TBCD: variants seen among roughly 807,000 people sequenced by gnomAD.
The protein encoded by TBCD is tubulin-specific chaperone D.
In TBCD, 105 loss-of-function variants were observed where a neutral mutation model predicts 169.3. That is an observed-to-expected ratio of 0.62 (90% CI 0.53 to 0.73). The LOEUF (loss-of-function observed/expected upper bound fraction) is 0.73. Among genes scored for constraint, TBCD ranks in the 30% least tolerant of loss-of-function variants. The probability of loss-of-function intolerance (pLI) is 0.00; values close to 1 mark genes in which losing one functional copy is unlikely to be tolerated. For synonymous variants in TBCD, 700 were observed against 643.9 expected (o/e 1.09, Z -1.32); for missense variants, 1,444 against 1,600.1 (o/e 0.90, Z 1.66).
chr17:82,778,928 T>C (rs1328615548), intron 6 of TBCD, among the ~76,000 whole-genome samples: 5 of 152,020 alleles, frequency 3.3e-5, no homozygotes, highest in African/African-American at 4.8e-5. Flanking sequence ...TCCCAAAGTG[T>C]TGGGATTACA....
chr17:82,858,620 C>T, intron 13 of TBCD: 2 of 985,404 alleles, frequency 2.0e-6, no homozygotes, highest in Non-Finnish European at 2.4e-6. Flanking sequence ...CTGGGTGTGC[C>T]TCACAGACAC....
chr17:82,879,100 TC>T (rs1191272448), intron 14 of TBCD, among the ~76,000 whole-genome samples: 57 of 151,442 alleles, frequency 3.8e-4, no homozygotes, highest in Middle Eastern at 6.8e-3. Context: ...GAGCCTTTTT[TC>T]TTTCCTTCTG....
At chr17:82,863,167 A>G (rs1020569185) in intron 13 of TBCD, among the ~76,000 whole-genome samples, 11 of 152,174 alleles carry the variant, frequency 7.2e-5, no homozygotes, top group African/African-American at 2.7e-4. Context: ...TGCTGGCCCC[A>G]CCGTCCTCGT....
chr17:82,860,960 G>A (rs571019733), intron 13 of TBCD, among the ~76,000 whole-genome samples: 5 of 152,320 alleles, frequency 3.3e-5, no homozygotes, highest in African/African-American at 1.2e-4. Context: ...GGACTTGGCG[G>A]GGGGAGCTCT....
At chr17:82,917,080 C>T (rs1775208671) in intron 23 of TBCD, among the ~76,000 whole-genome samples, 1 of 123,370 alleles carries the variant, frequency 8.1e-6, no homozygotes, top group Admixed American at 1.1e-4. Flanking sequence ...AGTGCGGTGG[C>T]ACAATCTCAG....
At position 82,916,107 on chromosome 17, in the gene TBCD, C is replaced by T. The variant is rs571106556; in HGVS notation, c.2038+4318C>T. Among the ~76,000 whole-genome samples the T allele has an allele frequency of 5.3e-5, 8 of 152,364 alleles. No homozygotes were observed. In the East Asian group the frequency reaches 1.5e-3, roughly 29 times the overall value. ...ACCCACACAGCCACCTGCTGCTTCTCCTTCTTGTTCTGTCCTGCATTTCTC... is the reference window on the plus strand; with the variant it reads ...ACCCACACAGCCACCTGCTGCTTCTTCTTCTTGTTCTGTCCTGCATTTCTC... On this transcript the variant is annotated intron_variant, in intron 23 of 38. Transcript: ENST00000355528.
intron 17 of TBCD, among the ~76,000 whole-genome samples, chr17:82,899,260 CGT>C (rs2059717285): frequency 6.9e-6 from 1 of 145,776 alleles, no homozygotes; most frequent in African/African-American, 2.7e-5. Flanking sequence ...GTGTCCTCAG[CGT>C]GCGTGTCCTC....
rs546632038 is a variant in TBCD, at chr17:82,859,388, G to A, written c.1319-10836G>A. 2.8e-3 allele frequency among the ~76,000 whole-genome samples: 392 copies of A among 141,080 alleles called. 1 individual carries two copies. Among genetic ancestry groups the A allele is most frequent in the Middle Eastern group, 0.013 (3 of 238 alleles). The allele number at this position is 141,080 out of a possible 152,430, so 92.6% of individuals were successfully genotyped here. A position where few individuals can be genotyped will look rare whatever the true frequency, so the allele number is the denominator to read the frequency against. The stretch of plus-strand genomic sequence containing the variant: ...TCAGGGAAAGGGAGTCTTGTGGGTC[G>A]TCTGGCCTGCCGGCTCTGTGTCCTC... On this transcript the variant is annotated intron_variant, in intron 13 of 38. Coordinates refer to ENST00000355528, the MANE Select transcript of TBCD (RefSeq NM_005993.5).
At position 82,915,854 on chromosome 17, in the gene TBCD, G is replaced by A. The variant is rs1341025768; in HGVS notation, c.2038+4065G>A. On this transcript the variant is annotated intron_variant, in intron 23 of 38. Transcript: ENST00000355528. The surrounding 1 kb of genome is among the most constrained non-coding windows in gnomAD (Gnocchi z 4.3). ...GTGGAGGATCGTGACTTAGCAAGCC[G>A]GGGACACGCTGTTAATGGACTTCCT... Among the ~76,000 whole-genome samples the A allele has an allele frequency of 6.6e-6, 1 of 152,138 alleles. No homozygotes were observed. The highest frequency in any genetic ancestry group is 1.5e-5 in the Non-Finnish European group (1 of 68,024).
chr17:82,833,454 A>G lies in TBCD; in HGVS notation c.1318+18520A>G, dbSNP rs551204632. 6.6e-6 allele frequency among the ~76,000 whole-genome samples: 1 copy of G among 152,350 alleles called. No homozygotes were observed. Among genetic ancestry groups the G allele is most frequent in the South Asian group, 2.1e-4 (1 of 4,830 alleles). On this transcript the variant is annotated intron_variant, in intron 13 of 38. Transcript: ENST00000355528. This position sits in a 1 kb window ranked among gnomAD's most constrained non-coding sequence, Gnocchi z 4.7. ...TACTGCTTCTAAAGTCAGCTTTATC[A>G]TTAAGTAGCATTTATGTTGTCTCAG... is the stretch of plus-strand genomic sequence containing the variant.
rs541943193 is a variant in TBCD, at chr17:82,832,237, G to A, written c.1318+17303G>A. The A allele has an allele frequency of 6.2e-7, 1 of 1,614,228 alleles. No homozygotes were observed. Among genetic ancestry groups the A allele is most frequent in the Non-Finnish European group, 8.5e-7 (1 of 1,180,046 alleles). On this transcript the variant is annotated intron_variant, in intron 13 of 38. Coordinates refer to ENST00000355528, the MANE Select transcript of TBCD (RefSeq NM_005993.5). The surrounding 1 kb of genome is among the most constrained non-coding windows in gnomAD (Gnocchi z 4.9). The stretch of plus-strand genomic sequence containing the variant: ...GGCATCGGGCTGGTTGGTTTGCTTG[G>A]GGTCTAGTGAGTTAGATTTAGGGCA...
chr17:82,888,439 T>C (rs957349280), intron 15 of TBCD, among the ~76,000 whole-genome samples: 5 of 152,256 alleles, frequency 3.3e-5, no homozygotes, highest in African/African-American at 9.6e-5. Flanking sequence ...TTCCTAATAG[T>C]GTATGTTAAA....
At chr17:82,871,671 C>T (rs1397749421) in intron 14 of TBCD, among the ~76,000 whole-genome samples, 2 of 152,222 alleles carry the variant, frequency 1.3e-5, no homozygotes, top group Non-Finnish European at 1.5e-5. Flanking sequence ...GGCGGGGCGC[C>T]GGTGGCAGAT....
chr17:82,898,358 C>T (rs2059636779), intron 17 of TBCD, among the ~76,000 whole-genome samples: 2 of 148,694 alleles, frequency 1.3e-5, no homozygotes, highest in Non-Finnish European at 3.0e-5. Context: ...TTGGTGGGAG[C>T]ACACGGCACG....
chr17:82,841,650 T>A (rs1463319802), intron 13 of TBCD, among the ~76,000 whole-genome samples: 1 of 152,226 alleles, frequency 6.6e-6, no homozygotes, highest in Non-Finnish European at 1.5e-5. Context: ...TCTTACCTAT[T>A]CCTGGATAGC....
chr17:82,790,969 C>T (rs1004381732), intron 7 of TBCD, among the ~76,000 whole-genome samples: 5 of 152,202 alleles, frequency 3.3e-5, no homozygotes, highest in South Asian at 2.1e-4. Context: ...GTCTCCCTGC[C>T]GCCGTTGCCC....
At chr17:82,927,877 G>T (rs759764959) in intron 29 of TBCD, 28 bp from the exon 30 acceptor site, 1 of 1,606,142 alleles carries the variant, frequency 6.2e-7, no homozygotes, top group Non-Finnish European at 8.5e-7. Flanking sequence ...CTCAAGCTGG[G>T]TGTCTCTGCC....
At position 82,939,357 on chromosome 17, in the gene TBCD, C is replaced by T. The variant is rs771988472; in HGVS notation, c.3370-10C>T. On this transcript the variant is annotated splice_polypyrimidine_tract_variant and intron_variant, in intron 36 of 38. Transcript: ENST00000355528. ...TTCCCTCCGGCAAATGCACTGCATC[C>T]CTGTCCCAGATCCGGAAGACCACGG... The T allele has an allele frequency of 1.1e-5, 17 of 1,606,546 alleles. No homozygotes were observed. Among genetic ancestry groups the T allele is most frequent in the Non-Finnish European group, 1.3e-5 (15 of 1,177,012 alleles).
chr17:82,844,370 C>T (rs1319281291), intron 13 of TBCD, among the ~76,000 whole-genome samples: 7 of 152,092 alleles, frequency 4.6e-5, no homozygotes, highest in Non-Finnish European at 8.8e-5. Flanking sequence ...CTCCCTGCAT[C>T]GTCAGTGTGG....
Sources: gnomAD v4.1 joint callset for allele counts (sites outside exome capture counted in the v4.1 genomes callset) on GRCh38, gnomAD v4.1.1 for gene constraint, Gnocchi (gnomAD v3.1) non-coding constraint, MANE v1.5 for transcripts, NCBI Gene and HGNC (gene_info 2026-07-23, HGNC 2026-07-21) for gene names.